RPS6KA4: variants seen among roughly 807,000 people sequenced by gnomAD.
RPS6KA4 encodes ribosomal protein S6 kinase alpha-4.
Under a neutral mutation model 89.6 loss-of-function variants are expected in RPS6KA4, and 38 were observed. The observed-to-expected ratio is 0.42, with a 90% CI of 0.33 to 0.56. The LOEUF (loss-of-function observed/expected upper bound fraction) is 0.56, where lower values mean the gene tolerates loss of function less well. Ranked by LOEUF, RPS6KA4 falls within the 20% of genes least tolerant of loss-of-function variation. The pLI, the probability that RPS6KA4 is intolerant of heterozygous loss-of-function variation, is 0.07. For synonymous variants in RPS6KA4, 495 were observed against 492.8 expected, an observed-to-expected ratio of 1.00 and a Z score of -0.06; for missense variants, 873 against 1,098.8, an observed-to-expected ratio of 0.79 and a Z score of 2.90.
Position 64,370,642 on chromosome 11 carries a change from G to A in RPS6KA4, c.2037G>A (p.Ala679=), listed in dbSNP as rs1220531800. ...RGSSWLQDGS[A]RSSPPLRTPD... ...GCTCGTGGCTGCAGGACGGCAGCGCGCGCTCCTCGCCCCCGCTCCGGACGC... is the reference window on the plus strand; with the variant it reads ...GCTCGTGGCTGCAGGACGGCAGCGCACGCTCCTCGCCCCCGCTCCGGACGC... The change falls in exon 16 of 17, where the codon GCG becomes GCA. Residue 679 remains alanine (A), a synonymous_variant. Transcript: ENST00000334205. This position sits in a 1 kb window ranked among gnomAD's most constrained non-coding sequence, Gnocchi z 4.1. The A allele has an allele frequency of 3.2e-6, 5 of 1,573,478 alleles. No individual in the cohort carries two copies. Among genetic ancestry groups the A allele is most frequent in the Non-Finnish European group, 4.3e-6 (5 of 1,166,806 alleles).
intron 2 of RPS6KA4, chr11:64,359,827 C>T: frequency 1.8e-6 from 1 of 541,298 alleles, no homozygotes; most frequent in Non-Finnish European, 3.3e-6. Context: ...CAGGTGCACA[C>T]CTCTGCCTCC....
Position 64,368,200 on chromosome 11 carries a change from A to C in RPS6KA4, c.1140A>C (p.Glu380Asp). ...ACGCGGTGATGACCGATGGGCTGGA[A>C]GCGCCTGGTGCTGGAGACCGGCCAG... ...HNNAVMTDGL[E>D]APGAGDRPGR... is the part of the protein sequence containing the mutation. Residue 380 changes from glutamate to aspartate, a missense_variant, in exon 10 of 17, where the codon GAA (glutamate) becomes GAC (aspartate). Glu to Asp is a conservative substitution (Grantham distance 45). Coordinates refer to ENST00000334205, the MANE Select transcript of RPS6KA4 (RefSeq NM_003942.3). 6.2e-7 allele frequency: 1 copy of C among 1,613,698 alleles called. No individual in the cohort carries two copies. Among genetic ancestry groups the C allele is most frequent in the Non-Finnish European group, 8.5e-7 (1 of 1,180,008 alleles).
chr11:64,363,152 C>T (rs1430839542), intron 8 of RPS6KA4, among the ~76,000 whole-genome samples: 1 of 152,218 alleles, frequency 6.6e-6, no homozygotes. Flanking sequence ...CGTCTGACAT[C>T]TAAACAAAAG....
At chr11:64,367,332 C>T (rs755891440) in intron 9 of RPS6KA4, among the ~76,000 whole-genome samples, 4 of 148,670 alleles carry the variant, frequency 2.7e-5, no homozygotes, top group African/African-American at 7.4e-5. Flanking sequence ...TTTTTTGAGA[C>T]GCAGTTTCGC....
chr11:64,360,194 G>A lies in RPS6KA4; in HGVS notation c.159G>A (p.Ala53=). The change falls in exon 3 of 17, where the codon GCG becomes GCA. Residue 53 remains alanine (A), a synonymous_variant. Coordinates refer to ENST00000334205, the MANE Select transcript of RPS6KA4 (RefSeq NM_003942.3). ...GCAAGGTGTTCCTGGTGCGGAAGGC[G>A]GGCGGGCACGACGCGGGGAAGCTGT... ...AYGKVFLVRK[A]GGHDAGKLYA... is the part of the protein sequence containing the mutation. 1.3e-6 allele frequency: 2 copies of A among 1,548,046 alleles called. No individual in the cohort carries two copies. Among genetic ancestry groups the A allele is most frequent in the South Asian group, 1.2e-5 (1 of 83,898 alleles).
intron 9 of RPS6KA4, 48 bp downstream of exon 9, chr11:64,365,513 C>T (rs1320094933): frequency 6.2e-6 from 10 of 1,602,968 alleles, no homozygotes; most frequent in African/African-American, 1.3e-5. Flanking sequence ...TGAGATGTTG[C>T]TGTCTGCCTC....
intron 4 of RPS6KA4, 65 bp downstream of exon 4, chr11:64,360,657 G>A: frequency 3.6e-6 from 5 of 1,381,326 alleles, no homozygotes; most frequent in Non-Finnish European, 5.0e-6. Flanking sequence ...GAAGGAATCT[G>A]CACGCAGGGC....
chr11:64,368,316 C>T (rs569564598), intron 10 of RPS6KA4, 56 bp downstream of exon 10: 26 of 1,590,758 alleles, frequency 1.6e-5, no homozygotes, highest in African/African-American at 4.0e-5. Flanking sequence ...GGCCTAGGCC[C>T]GGGGACTCTA....
intron 9 of RPS6KA4, 29 bp from the exon 10 acceptor site, chr11:64,368,103 T>C: frequency 6.2e-7 from 1 of 1,611,276 alleles, no homozygotes; most frequent in Non-Finnish European, 8.5e-7. Flanking sequence ...CCCATGCCCA[T>C]GCCCATTCCC....
chr11:64,364,698 G>A (rs548895099), intron 8 of RPS6KA4, among the ~76,000 whole-genome samples: 34 of 149,892 alleles, frequency 2.3e-4, no homozygotes, highest in African/African-American at 8.1e-4. Flanking sequence ...TTAGATTTAA[G>A]TCCAGCAGGA....
At chr11:64,368,673 C>A (rs558821576) in intron 11 of RPS6KA4, 31 bp from the exon 12 acceptor site, 1 of 1,573,290 alleles carries the variant, frequency 6.4e-7, no homozygotes, top group Admixed American at 1.9e-5. Context: ...CGAAGCGCGG[C>A]GACCGTAACT....
At position 64,361,638 on chromosome 11, in the gene RPS6KA4, G is replaced by C; in HGVS notation, c.652-4G>C. ...CAGGCCCTCACCCCGGCTCCACCCG[G>C]CAGGCTGTGGACTGGTGGAGCCTGG... On this transcript the variant is annotated splice_polypyrimidine_tract_variant and splice_region_variant and intron_variant, in intron 6 of 16. Transcript: ENST00000334205. This position sits in a 1 kb window ranked among gnomAD's most constrained non-coding sequence, Gnocchi z 4.7. 6.2e-7 allele frequency: 1 copy of C among 1,613,256 alleles called. No individual in the cohort carries two copies. The highest frequency in any genetic ancestry group is 8.5e-7 in the Non-Finnish European group (1 of 1,179,874).
chr11:64,367,239 G>A (rs2036906130), intron 9 of RPS6KA4, among the ~76,000 whole-genome samples: 1 of 152,212 alleles, frequency 6.6e-6, no homozygotes, highest in Admixed American at 6.5e-5. Flanking sequence ...TTGAACTCCT[G>A]GGCTTGAGTG....
Position 64,361,096 on chromosome 11 carries a change from C to T in RPS6KA4, c.463-38C>T, listed in dbSNP as rs1313488800. ...GAGCTGGAGGAGCTGGGGAGGGTTT[C>T]GGGGAGGAAGCCTCAGCACCCCTCT... is the stretch of plus-strand genomic sequence containing the variant. On this transcript the variant is annotated intron_variant, in intron 4 of 16. Transcript: ENST00000334205. This position sits in a 1 kb window ranked among gnomAD's most constrained non-coding sequence, Gnocchi z 4.7. 16 of 1,574,074 alleles carry T rather than the reference C, an allele frequency of 1.0e-5. No homozygotes were observed. The highest frequency in any genetic ancestry group is 2.2e-5 in the East Asian group (1 of 44,622).
At chr11:64,362,326 A>G (rs2036776729) in intron 8 of RPS6KA4, among the ~76,000 whole-genome samples, 1 of 152,366 alleles carries the variant, frequency 6.6e-6, no homozygotes, top group South Asian at 2.1e-4. Context: ...CGAGTTGGGA[A>G]TAGACCTTGG....
Position 64,368,732 on chromosome 11 carries a change from G to A in RPS6KA4, c.1363G>A (p.Ala455Thr). 6.3e-7 allele frequency: 1 copy of A among 1,575,326 alleles called. No homozygotes were observed. Among genetic ancestry groups the A allele is most frequent in the South Asian group, 1.2e-5 (1 of 86,272 alleles). ...RLEANTQREVAALRLCQSHPN... is the reference protein window; with the variant it reads ...RLEANTQREVTALRLCQSHPN... ...GGAGGCGAACACGCAGCGCGAAGTGGCTGCCCTGCGCCTGTGCCAGTCACA... is the reference window on the plus strand; with the variant it reads ...GGAGGCGAACACGCAGCGCGAAGTGACTGCCCTGCGCCTGTGCCAGTCACA... The change falls in exon 12 of 17, where the codon GCT (alanine) becomes ACT (threonine). Residue 455 changes from alanine to threonine, a missense_variant. Ala to Thr is a moderately conservative substitution (Grantham distance 58). Around this residue, in one of 4 missense-constraint regions of RPS6KA4, gnomAD observed 542 missense variants for 736.4 expected, o/e 0.74. Transcript: ENST00000334205.
In RPS6KA4 at chr11:64,359,170, C is replaced by T; in HGVS notation, c.-66C>T. 7.4e-6 allele frequency: 9 copies of T among 1,210,820 alleles called. No homozygotes were observed. The highest frequency in any genetic ancestry group is 3.2e-5 in the East Asian group (1 of 31,008). 75.0% of individuals were successfully genotyped at this position (1,210,820 alleles called of 1,614,324 possible). On this transcript the variant is annotated 5_prime_UTR_variant, in exon 1 of 17. Transcript: ENST00000334205. Reference sequence around the variant, plus strand: ...GGCACCAGGAAGCGCCCGCCCCGGCCGGAGCCGCCATGTAACCGGCGCCGC... The same window carrying T: ...GGCACCAGGAAGCGCCCGCCCCGGCTGGAGCCGCCATGTAACCGGCGCCGC...
chr11:64,362,785 C>G (rs528110934), intron 8 of RPS6KA4, among the ~76,000 whole-genome samples: 13 of 152,346 alleles, frequency 8.5e-5, no homozygotes, highest in Non-Finnish European at 1.3e-4. Context: ...ATTTTCCTGC[C>G]TCAGCCTCCC....
At position 64,368,686 on chromosome 11, in the gene RPS6KA4, T is replaced by A. The variant is rs1345586757; in HGVS notation, c.1335-18T>A. On this transcript the variant is annotated intron_variant, in intron 11 of 16. Coordinates refer to ENST00000334205, the MANE Select transcript of RPS6KA4 (RefSeq NM_003942.3). Reference sequence around the variant, plus strand: ...GCCGAAGCGCGGCGACCGTAACTCCTTCTGCTCCGTCCCCCAGGCTGGAGG... The same window carrying A: ...GCCGAAGCGCGGCGACCGTAACTCCATCTGCTCCGTCCCCCAGGCTGGAGG... The A allele has an allele frequency of 1.3e-6, 2 of 1,575,156 alleles. No individual in the cohort carries two copies. The highest frequency in any genetic ancestry group is 1.7e-6 in the Non-Finnish European group (2 of 1,160,980).
Sources: allele counts gnomAD v4.1 joint callset (sites outside exome capture counted in the v4.1 genomes callset), GRCh38; gene constraint gnomAD v4.1.1; regional missense constraint gnomAD v4.1.1; non-coding constraint Gnocchi (gnomAD v3.1); transcripts MANE v1.5; gene names NCBI Gene and HGNC (gene_info 2026-07-23, HGNC 2026-07-21).